The following ADAMTS16 variants were observed in gnomAD, a reference collection of about 807,000 sequenced individuals.
ADAMTS16 encodes A disintegrin and metalloproteinase with thrombospondin motifs 16.
Under a neutral mutation model 145.8 loss-of-function variants are expected in ADAMTS16, and 94 were observed. The observed-to-expected ratio is 0.64, with a 90% CI of 0.55 to 0.77. The LOEUF (loss-of-function observed/expected upper bound fraction) is 0.77. Ranked by LOEUF, ADAMTS16 falls within the 30% of genes least tolerant of loss-of-function variation. ADAMTS16 has a pLI of 0.00. For missense variants in ADAMTS16, 1,585 were observed against 1,591.5 expected (o/e 1.00, Z 0.07); for synonymous variants, 659 against 604.3 (o/e 1.09, Z -1.33).
intron 18 of ADAMTS16, among the ~76,000 whole-genome samples, chr5:5,293,375 A>G (rs1253896591): frequency 6.6e-6 from 1 of 152,130 alleles, no homozygotes; most frequent in Non-Finnish European, 1.5e-5. Context: ...CCCAGGATGA[A>G]GCCCTCAGAG....
At chr5:5,150,423 T>G (rs1734418915) in intron 3 of ADAMTS16, among the ~76,000 whole-genome samples, 1 of 152,168 alleles carries the variant, frequency 6.6e-6, no homozygotes, top group African/African-American at 2.4e-5. Context: ...AGCCTAGGAA[T>G]CATCACGGGC....
At chr5:5,143,265 C>A (rs1734211960) in intron 2 of ADAMTS16, among the ~76,000 whole-genome samples, 1 of 152,044 alleles carries the variant, frequency 6.6e-6, no homozygotes, top group South Asian at 2.1e-4. Flanking sequence ...CTACAAGAAA[C>A]TTAAACAAAT....
intron 4 of ADAMTS16, among the ~76,000 whole-genome samples, chr5:5,182,966 G>A (rs892594196): frequency 6.6e-6 from 1 of 152,038 alleles, no homozygotes; most frequent in Non-Finnish European, 1.5e-5. Context: ...CTCTCCCCCT[G>A]CCCATTGTTT....
At position 5,310,753 on chromosome 5, in the gene ADAMTS16, T is replaced by C. The variant is rs909594415; in HGVS notation, c.3411+4025T>C. 2.0e-5 allele frequency among the ~76,000 whole-genome samples: 3 copies of C among 152,246 alleles called. No individual in the cohort carries two copies. The highest frequency in any genetic ancestry group is 7.2e-5 in the African/African-American group (3 of 41,468). ...TGCTCATACCTTAATTTTGGATTTC[T>C]GGCGTCCTAAACTGTGAAAGAATAA... On this transcript the variant is annotated intron_variant, in intron 21 of 22. Coordinates refer to ENST00000274181, the MANE Select transcript of ADAMTS16 (RefSeq NM_139056.4). This position sits in a 1 kb window ranked among gnomAD's most constrained non-coding sequence, Gnocchi z 4.3.
intron 18 of ADAMTS16, among the ~76,000 whole-genome samples, chr5:5,293,624 G>A (rs1002909161): frequency 5.9e-5 from 9 of 152,272 alleles, no homozygotes; most frequent in Non-Finnish European, 8.8e-5. Context: ...CTGTGTTTCC[G>A]TCCTTGTCCA....
At chr5:5,200,627 A>C (rs1036118027) in intron 9 of ADAMTS16, among the ~76,000 whole-genome samples, 4 of 152,220 alleles carry the variant, frequency 2.6e-5, no homozygotes, top group African/African-American at 7.2e-5. Context: ...ATCTGTATAC[A>C]CAATAATAAA....
intron 18 of ADAMTS16, among the ~76,000 whole-genome samples, chr5:5,268,641 C>T (rs1267410416): frequency 6.6e-6 from 1 of 152,192 alleles, no homozygotes; most frequent in East Asian, 1.9e-4. Context: ...AAGCCGCTGC[C>T]CCATACACTG....
intron 18 of ADAMTS16, among the ~76,000 whole-genome samples, chr5:5,263,678 G>A (rs1390066653): frequency 1.3e-5 from 2 of 152,230 alleles, no homozygotes; most frequent in African/African-American, 4.8e-5. Context: ...CCCAGGCAAG[G>A]GTGCCCGTGA....
intron 21 of ADAMTS16, among the ~76,000 whole-genome samples, chr5:5,311,757 G>T (rs1441401135): frequency 6.6e-6 from 1 of 150,432 alleles, no homozygotes; most frequent in African/African-American, 2.4e-5. Flanking sequence ...TTGAGATGGA[G>T]TCTCACTTTG....
chr5:5,264,277 T>G (rs2126436473), intron 18 of ADAMTS16, among the ~76,000 whole-genome samples: 1 of 152,294 alleles, frequency 6.6e-6, no homozygotes, highest in Non-Finnish European at 1.5e-5. Context: ...GACCTGCCCC[T>G]GTCTGCCTAG....
intron 3 of ADAMTS16, among the ~76,000 whole-genome samples, chr5:5,165,955 C>G (rs945336085): frequency 3.3e-5 from 5 of 152,180 alleles, no homozygotes; most frequent in Admixed American, 2.6e-4. Flanking sequence ...GAATCATCTG[C>G]GACTCCCTCG....
chr5:5,153,765 C>T (rs571062013), intron 3 of ADAMTS16, among the ~76,000 whole-genome samples: 21 of 152,232 alleles, frequency 1.4e-4, no homozygotes, highest in African/African-American at 4.6e-4. Context: ...CTGTCGACTG[C>T]CATTGGCATA....
intron 18 of ADAMTS16, among the ~76,000 whole-genome samples, chr5:5,266,616 C>T (rs1038756717): frequency 2.0e-5 from 3 of 152,174 alleles, no homozygotes; most frequent in African/African-American, 7.2e-5. Context: ...CCCCATACTG[C>T]CCAAAGGGAC....
chr5:5,206,907 A>T (rs28784043), intron 9 of ADAMTS16, among the ~76,000 whole-genome samples: 30,680 of 151,966 alleles, frequency 0.2, 3,240 homozygotes, highest in East Asian at 0.3. Context: ...ATGTGGGTGG[A>T]TTATTGGCCT....
chr5:5,276,894 T>C (rs1402454124), intron 18 of ADAMTS16, among the ~76,000 whole-genome samples: 1 of 151,962 alleles, frequency 6.6e-6, no homozygotes, highest in Non-Finnish European at 1.5e-5. Context: ...AAAATCTTCA[T>C]TAACCCTGTG....
intron 17 of ADAMTS16, among the ~76,000 whole-genome samples, chr5:5,254,734 T>A (rs1344074566): frequency 6.6e-6 from 1 of 152,220 alleles, no homozygotes; most frequent in East Asian, 1.9e-4. Context: ...ACATTCCTGC[T>A]ATGAATCATT....
At chr5:5,193,597 G>A (rs1735723544) in intron 8 of ADAMTS16, among the ~76,000 whole-genome samples, 1 of 152,158 alleles carries the variant, frequency 6.6e-6, no homozygotes, top group Non-Finnish European at 1.5e-5. Context: ...CGTTGCAGGT[G>A]GTGAACTTAA....
At chr5:5,275,705 A>G (rs1405628100) in intron 18 of ADAMTS16, among the ~76,000 whole-genome samples, 1 of 152,206 alleles carries the variant, frequency 6.6e-6, no homozygotes, top group Non-Finnish European at 1.5e-5. Context: ...ATTTTGTCTG[A>G]AATTAACACT....
At position 5,222,846 on chromosome 5, in the gene ADAMTS16, A is replaced by G; in HGVS notation, c.1663A>G (p.Met555Val). The G allele has an allele frequency of 6.2e-7, 1 of 1,614,196 alleles. No homozygotes were observed. The highest frequency in any genetic ancestry group is 8.5e-7 in the Non-Finnish European group (1 of 1,180,008). ...TGGAAGGAAATGTGAGACTAAATTT[A>G]TGCCAGCAGCAGAAGGCACAATTTG... ...RIGRKCETKFMPAAEGTICGH... is the reference protein window; with the variant it reads ...RIGRKCETKFVPAAEGTICGH... The change falls in exon 11 of 23, where the codon ATG becomes GTG. Residue 555 changes from methionine to valine, a missense_variant. Coordinates refer to ENST00000274181, the MANE Select transcript of ADAMTS16 (RefSeq NM_139056.4).
Sources: allele counts gnomAD v4.1 joint callset (sites outside exome capture counted in the v4.1 genomes callset), GRCh38; gene constraint gnomAD v4.1.1; non-coding constraint Gnocchi (gnomAD v3.1); transcripts MANE v1.5; gene names NCBI Gene and HGNC (gene_info 2026-07-23, HGNC 2026-07-21).